KMT5C: variants seen among roughly 807,000 people sequenced by gnomAD.
The protein encoded by KMT5C is lysine methyltransferase 5C.
Under a neutral mutation model 38.2 loss-of-function variants are expected in KMT5C, and 16 were observed. The ratio of observed to expected loss-of-function variants is 0.42; its 90% CI spans 0.28 to 0.64. KMT5C has a LOEUF of 0.64. Ranked by LOEUF, KMT5C falls within the 30% of genes least tolerant of loss-of-function variation. KMT5C has a pLI of 0.23. For synonymous variants in KMT5C, 291 were observed against 279.0 expected, an observed-to-expected ratio of 1.04 and a Z score of -0.43; for missense variants, 598 against 665.1, an observed-to-expected ratio of 0.90 and a Z score of 1.11.
Position 55,342,212 on chromosome 19 carries a change from C to G in KMT5C, c.111-3C>G. The G allele has an allele frequency of 1.2e-6, 2 of 1,608,680 alleles. No individual in the cohort carries two copies. Among genetic ancestry groups the G allele is most frequent in the Admixed American group, 1.7e-5 (1 of 59,452 alleles). On this transcript the variant is annotated splice_region_variant and splice_polypyrimidine_tract_variant and intron_variant, in intron 2 of 8. Transcript: ENST00000255613. ...TGGGACCCAGGCATGCCCTCTCCCC[C>G]AGCCCTGTGCCCCCCCTGCGGCGAC...
chr19:55,346,986 G>A lies in KMT5C; in HGVS notation c.926G>A (p.Cys309Tyr). Residue 309 changes from cysteine to tyrosine, a missense_variant, in exon 9 of 9, where the codon TGC becomes TAC. Physicochemically the swap from Cys to Tyr is radical, Grantham distance 194. Around this residue, in one of 3 missense-constraint regions of KMT5C, gnomAD observed 326 missense variants for 298.1 expected, o/e 1.09. Coordinates refer to ENST00000255613, the MANE Select transcript of KMT5C (RefSeq NM_032701.4). ...AACQPLRLPA[C>Y]SARPDTSPLW... is the part of the protein sequence containing the mutation. ...TGCCAGCCCCTGCGCCTGCCAGCCT[G>A]CAGCGCCCGCCCAGACACCTCACCC... is the stretch of plus-strand genomic sequence containing the variant. The A allele has an allele frequency of 8.6e-7, 1 of 1,165,476 alleles. No individual in the cohort carries two copies. The highest frequency in any genetic ancestry group is 1.3e-6 in the Non-Finnish European group (1 of 787,196). 72.2% of individuals were successfully genotyped at this position (1,165,476 alleles called of 1,614,324 possible). A position where few individuals can be genotyped will look rare whatever the true frequency, so the allele number is the denominator to read the frequency against.
At chr19:55,342,960 T>C (rs1600262569) in intron 4 of KMT5C, 109 bp downstream of exon 4, 3 of 726,830 alleles carry the variant, frequency 4.1e-6, no homozygotes, top group East Asian at 2.7e-5. Flanking sequence ...GCGAGGGGCC[T>C]GGTCCTCCGG....
chr19:55,342,206 C>T lies in KMT5C; in HGVS notation c.111-9C>T. The T allele has an allele frequency of 6.2e-7, 1 of 1,607,724 alleles. No individual in the cohort carries two copies. The highest frequency in any genetic ancestry group is 8.5e-7 in the Non-Finnish European group (1 of 1,177,908). ...AGGCCCTGGGACCCAGGCATGCCCT[C>T]TCCCCCAGCCCTGTGCCCCCCCTGC... On this transcript the variant is annotated splice_polypyrimidine_tract_variant and intron_variant, in intron 2 of 8. Coordinates refer to ENST00000255613, the MANE Select transcript of KMT5C (RefSeq NM_032701.4).
intron 6 of KMT5C, 88 bp downstream of exon 6, chr19:55,344,085 C>T: frequency 6.9e-7 from 1 of 1,454,018 alleles, no homozygotes; most frequent in Non-Finnish European, 9.5e-7. Flanking sequence ...AGTAAAGAGC[C>T]AAACACCGGC....
intron 3 of KMT5C, 110 bp from the exon 4 acceptor site, chr19:55,342,631 GC>G: frequency 1.4e-6 from 1 of 696,394 alleles, no homozygotes. Context: ...GGAACATGAG[GC>G]CCCCAAGACC....
In KMT5C at chr19:55,346,603, G is replaced by A; in HGVS notation, c.811G>A (p.Gly271Ser). 1 of 1,576,374 alleles carries A rather than the reference G, an allele frequency of 6.3e-7. No homozygotes were observed. The highest frequency in any genetic ancestry group is 8.6e-7 in the Non-Finnish European group (1 of 1,161,776). Reference sequence around the variant, plus strand: ...TGAGACCAAGCGGCGGCTGCAGCAAGGCCTGGACAGTGGCAGCCGACAGGG... The same window carrying A: ...TGAGACCAAGCGGCGGCTGCAGCAAAGCCTGGACAGTGGCAGCCGACAGGG... ...LRETKRRLQQ[G>S]LDSGSRQGLL... is the part of the protein sequence containing the mutation. The change falls in exon 8 of 9, where the codon GGC becomes AGC. Residue 271 changes from glycine (G) to serine (S), a missense_variant. Coordinates refer to ENST00000255613, the MANE Select transcript of KMT5C (RefSeq NM_032701.4).
rs1234429975 is a variant in KMT5C, at chr19:55,347,387, C to T, written c.1327C>T (p.Arg443Cys). 5 of 1,581,364 alleles carry T rather than the reference C, an allele frequency of 3.2e-6. No individual in the cohort carries two copies. Among genetic ancestry groups the T allele is most frequent in the African/African-American group, 1.3e-5 (1 of 74,196 alleles). ...LAFAPFSPPK[R>C]LRLVVSHGSI... is the part of the protein sequence containing the mutation. The stretch of plus-strand genomic sequence containing the variant: ...CTTCGCCCCCTTCTCCCCACCCAAG[C>T]GCCTACGGCTGGTGGTCAGCCACGG... Residue 443 changes from arginine to cysteine, a missense_variant, in exon 9 of 9, where the codon CGC becomes TGC. Transcript: ENST00000255613. This position sits in a 1 kb window ranked among gnomAD's most constrained non-coding sequence, Gnocchi z 4.6.
rs1295508301 is a variant in KMT5C, at chr19:55,347,245, C to A, written c.1185C>A (p.Arg395=). 1.9e-6 allele frequency: 3 copies of A among 1,546,508 alleles called. No homozygotes were observed. In the Admixed American group the frequency reaches 5.9e-5, roughly 30 times the overall value. ...APQQDWHWAR[R]YGLPYVVRVD... ...AGCAGGACTGGCACTGGGCCCGGCG[C>A]TATGGGCTGCCTTACGTGGTGCGTG... is the stretch of plus-strand genomic sequence containing the variant. The change falls in exon 9 of 9, where the codon CGC becomes CGA. Residue 395 remains arginine (R), a synonymous_variant. Coordinates refer to ENST00000255613, the MANE Select transcript of KMT5C (RefSeq NM_032701.4). The surrounding 1 kb of genome is among the most constrained non-coding windows in gnomAD (Gnocchi z 4.6).
In KMT5C at chr19:55,346,538, C is replaced by T. The variant is rs563252758; in HGVS notation, c.746C>T (p.Pro249Leu). ...EGAFRTRPRE[P>L]ALPPRPLDKY... ...GCTTTCCGAACCAGGCCTAGGGAGC[C>T]CGCGTTGCCACCACGGCCCCTGGAC... The change falls in exon 8 of 9, where the codon CCC becomes CTC. Residue 249 changes from proline (P) to leucine (L), a missense_variant. Coordinates refer to ENST00000255613, the MANE Select transcript of KMT5C (RefSeq NM_032701.4). 1.9e-6 allele frequency: 3 copies of T among 1,597,100 alleles called. No individual in the cohort carries two copies. The highest frequency in any genetic ancestry group is 1.3e-5 in the African/African-American group (1 of 74,450).
intron 1 of KMT5C, among the ~76,000 whole-genome samples, chr19:55,341,272 G>A (rs1429729214): frequency 1.3e-5 from 2 of 152,148 alleles, no homozygotes; most frequent in Non-Finnish European, 2.9e-5. Context: ...AGCAGGTGCT[G>A]GGATCCCTCC....
At position 55,347,553 on chromosome 19, in the gene KMT5C, T is replaced by C. The variant is rs1396818745; in HGVS notation, c.*104T>C. ...GGACCTCTGGGAGGGAGCTGACCCT[T>C]GACTCCAGCATAGCTCTGACCCTGG... On this transcript the variant is annotated 3_prime_UTR_variant, in exon 9 of 9. Transcript: ENST00000255613. The surrounding 1 kb of genome is among the most constrained non-coding windows in gnomAD (Gnocchi z 4.6). The C allele has an allele frequency of 4.9e-6, 7 of 1,438,656 alleles. No homozygotes were observed. The highest frequency in any genetic ancestry group is 1.4e-5 in the African/African-American group (1 of 69,274). The allele number at this position is 1,438,656 out of a possible 1,614,324, so 89.1% of individuals were successfully genotyped here. A position where few individuals can be genotyped will look rare whatever the true frequency, so the allele number is the denominator to read the frequency against.
rs779884279 is a variant in KMT5C, at chr19:55,347,244, G to A, written c.1184G>A (p.Arg395His). 44 of 1,545,826 alleles carry A rather than the reference G, an allele frequency of 2.8e-5. No homozygotes were observed. Among genetic ancestry groups the A allele is most frequent in the Middle Eastern group, 1.7e-4 (1 of 5,890 alleles). ...APQQDWHWAR[R>H]YGLPYVVRVD... is the part of the protein sequence containing the mutation. ...CAGCAGGACTGGCACTGGGCCCGGC[G>A]CTATGGGCTGCCTTACGTGGTGCGT... Residue 395 changes from arginine (R) to histidine (H), a missense_variant, in exon 9 of 9, where the codon CGC becomes CAC. Coordinates refer to ENST00000255613, the MANE Select transcript of KMT5C (RefSeq NM_032701.4). The surrounding 1 kb of genome is among the most constrained non-coding windows in gnomAD (Gnocchi z 4.6).
rs1409781385 is a variant in KMT5C, at chr19:55,347,450, C to T, written c.*1C>T. ...GGATGTCGGCGGTGAAGAGCTGTGA[C>T]AGGCCGGACGGGGAGGCCCAGCAGG... On this transcript the variant is annotated 3_prime_UTR_variant, in exon 9 of 9. Transcript: ENST00000255613. The surrounding 1 kb of genome is among the most constrained non-coding windows in gnomAD (Gnocchi z 4.6). The T allele has an allele frequency of 3.3e-6, 5 of 1,530,090 alleles. No individual in the cohort carries two copies. The African/African-American group carries it at 4.1e-5, about 13-fold the overall frequency. 94.8% of individuals were successfully genotyped at this position (1,530,090 alleles called of 1,614,324 possible).
rs952349770 is a variant in KMT5C, at chr19:55,340,419, C to A, written c.-144+462C>A. 3.9e-5 allele frequency among the ~76,000 whole-genome samples: 6 copies of A among 152,064 alleles called. No individual in the cohort carries two copies. In the South Asian group the frequency reaches 6.2e-4, roughly 16 times the overall value. On this transcript the variant is annotated intron_variant, in intron 1 of 8. Coordinates refer to ENST00000255613, the MANE Select transcript of KMT5C (RefSeq NM_032701.4). ...TCACCCTCCAGGCCTCCTTCTGGACCCTCTAGGTCTTTCTGTGCCCTAGAA... is the reference window on the plus strand; with the variant it reads ...TCACCCTCCAGGCCTCCTTCTGGACACTCTAGGTCTTTCTGTGCCCTAGAA...
rs775587602 is a variant in KMT5C at position 55,347,005 on chromosome 19, C to T, written c.945C>T (p.Thr315=). ...CAGCCTGCAGCGCCCGCCCAGACAC[C>T]TCACCCCTCTGGCTCCAGTGGCTGC... ...RLPACSARPD[T]SPLWLQWLPQ... is the part of the protein sequence containing the mutation. The change falls in exon 9 of 9, where the codon ACC becomes ACT. Residue 315 remains threonine, a synonymous_variant. Coordinates refer to ENST00000255613, the MANE Select transcript of KMT5C (RefSeq NM_032701.4). The surrounding 1 kb of genome is among the most constrained non-coding windows in gnomAD (Gnocchi z 4.6). The T allele has an allele frequency of 7.4e-7, 1 of 1,346,944 alleles. No individual in the cohort carries two copies. Among genetic ancestry groups the T allele is most frequent in the Admixed American group, 1.7e-5 (1 of 59,482 alleles). The allele number at this position is 1,346,944 out of a possible 1,614,324, so 83.4% of individuals were successfully genotyped here.
chr19:55,346,180 T>A (rs1338033378), intron 6 of KMT5C, 33 bp from the exon 7 acceptor site: 2 of 1,612,482 alleles, frequency 1.2e-6, no homozygotes, highest in Non-Finnish European at 1.7e-6. Flanking sequence ...CCCTGTGCCC[T>A]GGGCCAGGGC....
rs1053087956 is a variant in KMT5C at position 55,343,481 on chromosome 19, T to A, written c.387-199T>A. On this transcript the variant is annotated intron_variant, in intron 4 of 8. Coordinates refer to ENST00000255613, the MANE Select transcript of KMT5C (RefSeq NM_032701.4). This position sits in a 1 kb window ranked among gnomAD's most constrained non-coding sequence, Gnocchi z 5.5. ...GAAGGCTTTCAGTAGAAGGGTCCTG[T>A]GGGGCTGTGGGCTGGAGCAGGGAAG... The A allele has an allele frequency of 1.4e-4, 85 of 604,844 alleles. 1 individual carries two copies. Among genetic ancestry groups the A allele is most frequent in the South Asian group, 5.1e-4 (26 of 50,802 alleles). 37.5% of individuals were successfully genotyped at this position (604,844 alleles called of 1,614,324 possible).
At chr19:55,344,211 A>C in intron 6 of KMT5C, 2 of 454,888 alleles carry the variant, frequency 4.4e-6, no homozygotes, top group Non-Finnish European at 4.0e-6. Context: ...AAACACAAAA[A>C]ATTAGTCGGG....
At position 55,342,327 on chromosome 19, in the gene KMT5C, G is replaced by A. The variant is rs746278308; in HGVS notation, c.223G>A (p.Ala75Thr). 6.4e-7 allele frequency: 1 copy of A among 1,568,698 alleles called. No homozygotes were observed. The change falls in exon 3 of 9, where the codon GCC becomes ACC. Residue 75 changes from alanine to threonine, a missense_variant. Physicochemically the swap from Ala to Thr is moderately conservative, Grantham distance 58 (BLOSUM62 0). Transcript: ENST00000255613. ...YRALTLGGWT[A>T]RYFQSRGPRQ... ...GGCCCTGACGCTGGGAGGCTGGACG[G>A]CCCGCTACTTCCAGAGCCGGGGCCC...
Sources: gnomAD v4.1 joint callset for allele counts (sites outside exome capture counted in the v4.1 genomes callset) on GRCh38, gnomAD v4.1.1 for gene constraint, gnomAD v4.1.1 regional missense constraint, Gnocchi (gnomAD v3.1) non-coding constraint, MANE v1.5 for transcripts, NCBI Gene and HGNC (gene_info 2026-07-23, HGNC 2026-07-21) for gene names.